The following CAMKMT variants were observed in gnomAD, a reference collection of about 807,000 sequenced individuals.
CAMKMT encodes the protein CaM KMT.
Under a neutral mutation model 48.0 loss-of-function variants are expected in CAMKMT, and 53 were observed. That is an observed-to-expected ratio of 1.10 (90% CI 0.89 to 1.39). The LOEUF (loss-of-function observed/expected upper bound fraction) is 1.39. CAMKMT is among the 40% of genes most tolerant of loss of function. The pLI, the probability that CAMKMT is intolerant of heterozygous loss-of-function variation, is 0.00. For synonymous variants in CAMKMT, 165 were observed against 152.3 expected (o/e 1.08, Z -0.61); for missense variants, 428 against 402.7 (o/e 1.06, Z -0.54).
intron 3 of CAMKMT, among the ~76,000 whole-genome samples, chr2:44,511,739 C>G (rs374322436): frequency 6.6e-6 from 1 of 152,336 alleles, no homozygotes; most frequent in East Asian, 1.9e-4. Flanking sequence ...CTCTTGCTCC[C>G]TCCAGCTGTT....
At chr2:44,401,516 C>T (rs1045567680) in intron 3 of CAMKMT, among the ~76,000 whole-genome samples, 6 of 151,678 alleles carry the variant, frequency 4.0e-5, no homozygotes, top group African/African-American at 1.5e-4. Flanking sequence ...GAGATTGTGT[C>T]ACTGCACTCC....
At chr2:44,484,234 C>G (rs72790017) in intron 3 of CAMKMT, among the ~76,000 whole-genome samples, 4,804 of 149,922 alleles carry the variant, frequency 0.032, 82 homozygotes, top group African/African-American at 0.039. Context: ...ACGATTTTAA[C>G]GTTTATATGA....
chr2:44,504,333 C>T (rs1670154484), intron 3 of CAMKMT, among the ~76,000 whole-genome samples: 1 of 152,100 alleles, frequency 6.6e-6, no homozygotes. Flanking sequence ...CCTTTAGGGT[C>T]ATATGTTGTA....
chr2:44,683,548 C>T lies in CAMKMT; in HGVS notation c.377-20735C>T, dbSNP rs149250937. 7.0e-3 allele frequency among the ~76,000 whole-genome samples: 1,061 copies of T among 152,176 alleles called. 5 individuals are homozygous for T. Among genetic ancestry groups the T allele is most frequent in the Non-Finnish European group, 0.012 (813 of 67,998 alleles). Reference sequence around the variant, plus strand: ...TGAAAAACAGTAACGAGGCAGGGCGCGGTGGCTCACGCCTATAATCCCAGC... The same window carrying T: ...TGAAAAACAGTAACGAGGCAGGGCGTGGTGGCTCACGCCTATAATCCCAGC... On this transcript the variant is annotated intron_variant, in intron 3 of 10. Coordinates refer to ENST00000378494, the MANE Select transcript of CAMKMT (RefSeq NM_024766.5).
chr2:44,569,800 T>C (rs1410301116), intron 3 of CAMKMT, among the ~76,000 whole-genome samples: 1 of 152,222 alleles, frequency 6.6e-6, no homozygotes, highest in Non-Finnish European at 1.5e-5. Context: ...TTTGTTGCAA[T>C]GACAATTTTT....
At chr2:44,626,121 C>G (rs903170709) in intron 3 of CAMKMT, among the ~76,000 whole-genome samples, 1 of 152,138 alleles carries the variant, frequency 6.6e-6, no homozygotes, top group Admixed American at 6.5e-5. Flanking sequence ...AGATAATTCA[C>G]ATCTTAATAA....
At chr2:44,654,979 A>AT (rs1396634702) in intron 3 of CAMKMT, among the ~76,000 whole-genome samples, 12 of 151,906 alleles carry the variant, frequency 7.9e-5, no homozygotes, top group Middle Eastern at 3.2e-3. Context: ...GTTATTTTCC[A>AT]TTTTTTTGCC....
rs1044265949 is a variant in CAMKMT at position 44,770,782 on chromosome 2, C to T, written c.895-1254C>T. Among the ~76,000 whole-genome samples the T allele has an allele frequency of 5.3e-5, 8 of 152,324 alleles. No homozygotes were observed. The East Asian group carries it at 5.8e-4, about 11-fold the overall frequency. On this transcript the variant is annotated intron_variant, in intron 10 of 10. Coordinates refer to ENST00000378494, the MANE Select transcript of CAMKMT (RefSeq NM_024766.5). Reference sequence around the variant, plus strand: ...GACCTGTGTTTAGGCTTAACACTCTCGCTACTTTGGTAGCAGCAAAAATCC... The same window carrying T: ...GACCTGTGTTTAGGCTTAACACTCTTGCTACTTTGGTAGCAGCAAAAATCC...
Position 44,700,060 on chromosome 2 carries a change from G to C in CAMKMT, c.377-4223G>C, listed in dbSNP as rs1015635821. Among the ~76,000 whole-genome samples, 2 of 152,206 alleles carry C rather than the reference G, an allele frequency of 1.3e-5. 1 individual carries two copies. The highest frequency in any genetic ancestry group is 3.9e-4 in the East Asian group (2 of 5,192). ...ATAACTTGCTACAGCTTCTACATCA[G>C]CACTTACTGCTTTGCCTTGCACTTT... On this transcript the variant is annotated intron_variant, in intron 3 of 10. Transcript: ENST00000378494.
chr2:44,680,337 A>T (rs1272279522), intron 3 of CAMKMT, among the ~76,000 whole-genome samples: 3 of 152,134 alleles, frequency 2.0e-5, no homozygotes, highest in Non-Finnish European at 4.4e-5. Context: ...GCAAAATGAG[A>T]TTGTCACACT....
chr2:44,533,270 C>T (rs1293719952), intron 3 of CAMKMT, among the ~76,000 whole-genome samples: 3 of 149,190 alleles, frequency 2.0e-5, no homozygotes, highest in Non-Finnish European at 4.5e-5. Context: ...CAGAGTTTCT[C>T]TTTTGTCGCC....
chr2:44,582,450 G>A (rs1241767237), intron 3 of CAMKMT, among the ~76,000 whole-genome samples: 1 of 152,148 alleles, frequency 6.6e-6, no homozygotes, highest in Non-Finnish European at 1.5e-5. Flanking sequence ...AGTTGTGCCT[G>A]GTAAGCTGTC....
chr2:44,385,824 C>G (rs1680732976), intron 2 of CAMKMT, among the ~76,000 whole-genome samples: 1 of 152,034 alleles, frequency 6.6e-6, no homozygotes, highest in African/African-American at 2.4e-5. Context: ...GATATGAAAC[C>G]CACTTGATCA....
intron 3 of CAMKMT, among the ~76,000 whole-genome samples, chr2:44,503,423 G>T (rs1466192896): frequency 6.6e-6 from 1 of 152,122 alleles, no homozygotes; most frequent in Non-Finnish European, 1.5e-5. Flanking sequence ...CTATCAGCAA[G>T]CCAGATTACT....
intron 3 of CAMKMT, among the ~76,000 whole-genome samples, chr2:44,420,101 TTTA>T (rs1232631561): frequency 6.6e-6 from 1 of 152,184 alleles, no homozygotes; most frequent in African/African-American, 2.4e-5. Flanking sequence ...TATGTAAAGA[TTTA>T]TTAATTGTGT....
chr2:44,439,725 C>G (rs975403320), intron 3 of CAMKMT, among the ~76,000 whole-genome samples: 3 of 151,762 alleles, frequency 2.0e-5, no homozygotes, highest in Non-Finnish European at 4.4e-5. Context: ...GTAGTCCCAG[C>G]TACTCGGGAG....
rs759445293 is a variant in CAMKMT at position 44,382,758 on chromosome 2, C to T, written c.312-7483C>T. On this transcript the variant is annotated intron_variant, in intron 2 of 10. Transcript: ENST00000378494. Reference sequence around the variant, plus strand: ...CCTCCCAAAGTGCTGGGATTACAGGCGTGAGCCACCACGCCCGGCCAACTT... The same window carrying T: ...CCTCCCAAAGTGCTGGGATTACAGGTGTGAGCCACCACGCCCGGCCAACTT... Among the ~76,000 whole-genome samples the T allele has an allele frequency of 5.3e-5, 8 of 152,122 alleles. No individual in the cohort carries two copies. In the East Asian group the frequency reaches 1.2e-3, roughly 22 times the overall value.
At chr2:44,470,658 A>G (rs1337629586) in intron 3 of CAMKMT, among the ~76,000 whole-genome samples, 2 of 152,184 alleles carry the variant, frequency 1.3e-5, no homozygotes, top group Non-Finnish European at 2.9e-5. Flanking sequence ...TACATTAATA[A>G]AATGATATCC....
At chr2:44,530,448 A>G (rs564005804) in intron 3 of CAMKMT, among the ~76,000 whole-genome samples, 9 of 152,308 alleles carry the variant, frequency 5.9e-5, no homozygotes, top group Admixed American at 1.3e-4. Flanking sequence ...TTAGCTCTTA[A>G]GGCACTTCTA....
Sources: gnomAD v4.1 joint callset for allele counts (sites outside exome capture counted in the v4.1 genomes callset) on GRCh38, gnomAD v4.1.1 for gene constraint, MANE v1.5 for transcripts, NCBI Gene and HGNC (gene_info 2026-07-23, HGNC 2026-07-21) for gene names.